Variants in NECAB3 observed in about 807,000 individuals in gnomAD.
The protein encoded by NECAB3 is N-terminal EF-hand calcium binding protein 3.
A neutral mutation model predicts 57.2 loss-of-function variants in NECAB3; 38 were observed. The observed-to-expected ratio is 0.66, with a 90% CI of 0.51 to 0.87. The LOEUF (loss-of-function observed/expected upper bound fraction) is 0.87. Among genes scored for constraint, NECAB3 ranks in the 40% least tolerant of loss-of-function variants. NECAB3 has a pLI of 0.00. For missense variants in NECAB3, 474 were observed against 527.5 expected (o/e 0.90, Z 0.99); for synonymous variants, 223 against 222.6 (o/e 1.00, Z -0.02).
chr20:33,669,184 A>C, intron 5 of NECAB3, 191 bp downstream of exon 5: 1 of 596,188 alleles, frequency 1.7e-6, no homozygotes, highest in South Asian at 2.0e-5. Context: ...GGGCAGCTCT[A>C]TTGTTATGAT....
chr20:33,658,315 C>G (rs1013725863), intron 10 of NECAB3, among the ~76,000 whole-genome samples, 162 bp downstream of exon 10: 1 of 152,176 alleles, frequency 6.6e-6, no homozygotes, highest in Non-Finnish European at 1.5e-5. Flanking sequence ...GGAGTTGGAA[C>G]TGTTATCACT....
chr20:33,661,556 T>G (rs2017476922), intron 5 of NECAB3, among the ~76,000 whole-genome samples: 1 of 152,244 alleles, frequency 6.6e-6, no homozygotes, highest in South Asian at 2.1e-4. Context: ...AATTCCTTTT[T>G]GGGTATTTGA....
Position 33,669,701 on chromosome 20 carries a change from G to A in NECAB3, c.275C>T (p.Thr92Ile), listed in dbSNP as rs1195489254. 1 of 1,596,052 alleles carries A rather than the reference G, an allele frequency of 6.3e-7. No individual in the cohort carries two copies. Among genetic ancestry groups the A allele is most frequent in the East Asian group, 2.3e-5 (1 of 44,404 alleles). Residue 92 changes from threonine (T) to isoleucine (I), a missense_variant, in exon 4 of 12, where the codon ACA (threonine) becomes ATA (isoleucine). Coordinates refer to ENST00000246190, the MANE Select transcript of NECAB3 (RefSeq NM_031232.4). ...IDGHLTDNLE[T>I]EKLCDYFSEH... The stretch of plus-strand genomic sequence containing the variant: ...GGCCTACTCACCACACAGTTTTTCT[G>A]TTTCTAAATTGCTGCAGGGAAAAGA...
At chr20:33,667,625 T>C in intron 5 of NECAB3, 1 of 1,601,656 alleles carries the variant, frequency 6.2e-7, no homozygotes, top group South Asian at 1.1e-5. Context: ...CAGGCCACCT[T>C]CCGACTGAAC....
chr20:33,674,494 G>T, upstream of NECAB3: 1 of 781,692 alleles, frequency 1.3e-6, no homozygotes, highest in Non-Finnish European at 1.6e-6. Context: ...CCCCGCGGAC[G>T]CCGGGTTCCC....
intron 2 of NECAB3, 163 bp downstream of exon 2, chr20:33,672,235 G>T: frequency 1.2e-6 from 1 of 833,788 alleles, no homozygotes; most frequent in Non-Finnish European, 2.0e-6. Flanking sequence ...ACTTGGCTGA[G>T]AACAGCACTT....
upstream of NECAB3, chr20:33,674,451 GAC>G: frequency 1.0e-6 from 1 of 990,618 alleles, no homozygotes; most frequent in Non-Finnish European, 1.2e-6. Context: ...CGCCGGCGCC[GAC>G]GCGCGGGCTC....
At chr20:33,662,184 G>C (rs2017497338) in intron 5 of NECAB3, 2 of 901,520 alleles carry the variant, frequency 2.2e-6, no homozygotes. Context: ...ACCAAGGCTA[G>C]AAGTGACTGA....
intron 8 of NECAB3, 137 bp downstream of exon 8, chr20:33,659,360 G>A (rs947250052): frequency 4.1e-5 from 29 of 709,632 alleles, no homozygotes; most frequent in Middle Eastern, 6.0e-4. Flanking sequence ...CTCAGAACCC[G>A]GCACCTGCTT....
At position 33,658,799 on chromosome 20, in the gene NECAB3, TG is replaced by T. The variant is rs762860630; in HGVS notation, c.914del (p.Ala305GlufsTer88). The T allele has an allele frequency of 1.9e-6, 3 of 1,613,252 alleles. No individual in the cohort carries two copies. The East Asian group carries it at 6.7e-5, about 36-fold the overall frequency. ...ILMAQRQVQV[A>X]EEGLQDFHRA... ...GGTGGAAGTCCTGCAGGCCTTCCTC[TG>T]CCACCTGGACCTGCCTCTGGGCCAT... On this transcript the variant is annotated frameshift_variant, in exon 9 of 12. Transcript: ENST00000246190. LOFTEE classifies it high-confidence loss of function.
At chr20:33,659,819 G>C (rs1313477858) in intron 7 of NECAB3, 66 bp downstream of exon 7, 2 of 1,532,024 alleles carry the variant, frequency 1.3e-6, no homozygotes, top group Non-Finnish European at 1.7e-6. Context: ...TGAAGGAGCG[G>C]GCCCTGGGGG....
chr20:33,663,621 G>GGGCTC (rs1568896185), intron 5 of NECAB3: 1 of 1,609,642 alleles, frequency 6.2e-7, no homozygotes. Flanking sequence ...GCGCTGGGCT[G>GGGCTC]GGCTCCCCGG....
chr20:33,662,584 A>C, intron 5 of NECAB3: 1 of 1,241,518 alleles, frequency 8.1e-7, no homozygotes, highest in Non-Finnish European at 1.1e-6. Flanking sequence ...CAGAAGTCCT[A>C]GGGGGTGAGG....
chr20:33,669,761 G>A (rs1191559460), intron 3 of NECAB3, 49 bp from the exon 4 acceptor site: 8 of 1,535,330 alleles, frequency 5.2e-6, no homozygotes, highest in Non-Finnish European at 5.2e-6. Context: ...TGGTAAACTG[G>A]GACTAATGGG....
At position 33,660,023 on chromosome 20, in the gene NECAB3, C is replaced by T. The variant is rs1295032397; in HGVS notation, c.525-20G>A. On this transcript the variant is annotated intron_variant, in intron 6 of 11. Coordinates refer to ENST00000246190, the MANE Select transcript of NECAB3 (RefSeq NM_031232.4). This position sits in a 1 kb window ranked among gnomAD's most constrained non-coding sequence, Gnocchi z 4.1. Reference sequence around the variant, plus strand: ...TCTGACCTAGAGGAAGTGAGGCTCACAGGGCCGAGGACTGGGGCCCCAGGA... The same window carrying T: ...TCTGACCTAGAGGAAGTGAGGCTCATAGGGCCGAGGACTGGGGCCCCAGGA... The T allele has an allele frequency of 1.3e-6, 2 of 1,570,812 alleles. No individual in the cohort carries two copies. The highest frequency in any genetic ancestry group is 1.7e-6 in the Non-Finnish European group (2 of 1,159,848).
intron 5 of NECAB3, chr20:33,667,854 G>C (rs775493496): frequency 6.2e-7 from 1 of 1,607,510 alleles, no homozygotes; most frequent in African/African-American, 1.3e-5. Context: ...TCAGCAGTGA[G>C]CGCTTCCGCT....
intron 5 of NECAB3, chr20:33,663,809 C>T: frequency 1.4e-6 from 2 of 1,415,740 alleles, no homozygotes; most frequent in South Asian, 1.5e-5. Flanking sequence ...CCCCGCGAAG[C>T]CGGCCCCGCC....
chr20:33,667,269 G>T (rs988793714), intron 5 of NECAB3: 9 of 460,074 alleles, frequency 2.0e-5, no homozygotes, highest in African/African-American at 1.2e-4. Flanking sequence ...CCGGAGCGCC[G>T]GGCTGCGAGC....
In NECAB3 at chr20:33,658,530, G is replaced by A. The variant is rs373363265; in HGVS notation, c.1017C>T (p.Asp339=). Reference sequence around the variant, plus strand: ...ACTCATACAGGGTGAAGGAGGCACCGTCCAGCATCTTCTGGGCGGACACAC... The same window carrying A: ...ACTCATACAGGGTGAAGGAGGCACCATCCAGCATCTTCTGGGCGGACACAC... The part of the protein sequence containing the change: ...CLHVSAQKML[D]GASFTLYEFW... Residue 339 remains aspartate, a synonymous_variant, in exon 10 of 12, where the codon GAC becomes GAT. Transcript: ENST00000246190. 1.1e-5 allele frequency: 17 copies of A among 1,613,976 alleles called. No individual in the cohort carries two copies. The highest frequency in any genetic ancestry group is 3.3e-5 in the South Asian group (3 of 91,086).
Sources: gnomAD v4.1 joint callset for allele counts (sites outside exome capture counted in the v4.1 genomes callset) on GRCh38, gnomAD v4.1.1 for gene constraint, Gnocchi (gnomAD v3.1) non-coding constraint, MANE v1.5 for transcripts, NCBI Gene and HGNC (gene_info 2026-07-23, HGNC 2026-07-21) for gene names.